Variants in CSMD1 observed in about 807,000 individuals in gnomAD.
The protein encoded by CSMD1 is CUB and Sushi multiple domains 1.
CSMD1 carries 213 observed loss-of-function variants against 417.5 expected under a neutral mutation model. The observed-to-expected ratio is 0.51, with a 90% CI of 0.46 to 0.57. CSMD1 has a LOEUF of 0.57. CSMD1 is among the 20% of genes least tolerant of loss of function. CSMD1 has a pLI of 0.00. For synonymous variants in CSMD1, 2,862 were observed against 1,736.8 expected (o/e 1.65, Z -16.11); for missense variants, 6,923 against 4,529.7 (o/e 1.53, Z -15.17).
intron 3 of CSMD1, among the ~76,000 whole-genome samples, chr8:4,160,249 T>C (rs1797071019): frequency 6.6e-6 from 1 of 152,128 alleles, no homozygotes; most frequent in Non-Finnish European, 1.5e-5. Flanking sequence ...AACTTTATCA[T>C]AAAGTAACAC....
intron 3 of CSMD1, among the ~76,000 whole-genome samples, chr8:4,201,084 C>T (rs1799618186): frequency 6.6e-6 from 1 of 152,112 alleles, no homozygotes; most frequent in African/African-American, 2.4e-5. Flanking sequence ...TAACCTTGGG[C>T]CAATGTCTTA....
intron 26 of CSMD1, among the ~76,000 whole-genome samples, chr8:3,230,610 A>C (rs1384954544): frequency 6.6e-6 from 1 of 152,208 alleles, no homozygotes; most frequent in African/African-American, 2.4e-5. Context: ...AAAGTACACC[A>C]ACCTCAAGGA....
intron 52 of CSMD1, among the ~76,000 whole-genome samples, chr8:3,004,757 TGAGA>T (rs1398588008): frequency 6.6e-6 from 1 of 152,150 alleles, no homozygotes; most frequent in Admixed American, 6.5e-5. Context: ...TTAAAATGGT[TGAGA>T]GAACCAGTAA....
chr8:3,491,482 A>T (rs1818376771), intron 11 of CSMD1, among the ~76,000 whole-genome samples: 1 of 152,208 alleles, frequency 6.6e-6, no homozygotes, highest in Non-Finnish European at 1.5e-5. Flanking sequence ...TCTCATCATT[A>T]TTATAATAAG....
At chr8:3,176,677 T>C (rs879400994) in intron 37 of CSMD1, among the ~76,000 whole-genome samples, 1 of 152,174 alleles carries the variant, frequency 6.6e-6, no homozygotes, top group Non-Finnish European at 1.5e-5. Context: ...AACGTAAAAA[T>C]ACTGAAGTAT....
intron 3 of CSMD1, among the ~76,000 whole-genome samples, chr8:4,341,492 C>G (rs541227140): frequency 5.9e-5 from 9 of 152,196 alleles, no homozygotes; most frequent in East Asian, 1.9e-4. Context: ...ACAGACTACT[C>G]TGCATATCAT....
intron 1 of CSMD1, among the ~76,000 whole-genome samples, chr8:4,805,156 C>T (rs139259200): frequency 8.5e-5 from 13 of 152,160 alleles, no homozygotes; most frequent in African/African-American, 2.2e-4. Flanking sequence ...TGTTTTTTCC[C>T]CCTGGATGTC....
chr8:3,508,103 A>G (rs552656612), intron 10 of CSMD1, among the ~76,000 whole-genome samples: 4 of 152,200 alleles, frequency 2.6e-5, no homozygotes, highest in African/African-American at 4.8e-5. Context: ...CCTGAATGGT[A>G]TTGCCTAGGT....
intron 3 of CSMD1, among the ~76,000 whole-genome samples, chr8:4,132,026 A>G (rs554875486): frequency 6.6e-6 from 1 of 152,042 alleles, no homozygotes; most frequent in Non-Finnish European, 1.5e-5. Flanking sequence ...TTTCTATCAG[A>G]ATCCCTTCTT....
chr8:4,439,598 T>C (rs1307079682), intron 2 of CSMD1, among the ~76,000 whole-genome samples: 1 of 152,182 alleles, frequency 6.6e-6, no homozygotes, highest in African/African-American at 2.4e-5. Context: ...ATTAACATAC[T>C]TACATATTTG....
rs574393218 is a variant in CSMD1 at position 3,142,450 on chromosome 8, G to C, written c.6241+15C>G. The C allele has an allele frequency of 1.9e-5, 31 of 1,604,592 alleles. No homozygotes were observed. Among genetic ancestry groups the C allele is most frequent in the Non-Finnish European group, 2.5e-5 (29 of 1,173,630 alleles). Reference sequence around the variant, plus strand: ...TATTTAGATTTGGGTTTCGGTTCTCGTTGTTGTTCCATACCTTGGTAAGCA... The same window carrying C: ...TATTTAGATTTGGGTTTCGGTTCTCCTTGTTGTTCCATACCTTGGTAAGCA... On this transcript the variant is annotated intron_variant, in intron 41 of 69. Transcript: ENST00000635120.
intron 3 of CSMD1, among the ~76,000 whole-genome samples, chr8:4,217,962 C>T (rs1433537923): frequency 1.3e-5 from 2 of 152,148 alleles, no homozygotes; most frequent in South Asian, 2.1e-4. Context: ...CAGGTAATGC[C>T]ATGGTAGTTG....
intron 6 of CSMD1, among the ~76,000 whole-genome samples, chr8:3,725,993 G>C (rs930353055): frequency 2.6e-5 from 4 of 152,144 alleles, no homozygotes; most frequent in African/African-American, 9.7e-5. Flanking sequence ...TGACTACGGA[G>C]ACCGGGTCAC....
intron 2 of CSMD1, among the ~76,000 whole-genome samples, chr8:4,495,546 G>C (rs1801939251): frequency 6.6e-6 from 1 of 151,906 alleles, no homozygotes; most frequent in Admixed American, 6.6e-5. Context: ...CTGCACTCTA[G>C]CCTGGGTGAC....
chr8:4,557,627 A>G (rs184365719), intron 2 of CSMD1, among the ~76,000 whole-genome samples: 1 of 152,210 alleles, frequency 6.6e-6, no homozygotes, highest in East Asian at 1.9e-4. Flanking sequence ...GGACAGCAGT[A>G]TCCCAGAACA....
At chr8:3,673,408 A>G (rs1585053871) in intron 7 of CSMD1, among the ~76,000 whole-genome samples, 1 of 152,378 alleles carries the variant, frequency 6.6e-6, no homozygotes, top group African/African-American at 2.4e-5. Context: ...AAGTATTTGA[A>G]GACGTAGCAT....
chr8:3,783,618 G>C (rs954589520), intron 5 of CSMD1, among the ~76,000 whole-genome samples: 1 of 152,196 alleles, frequency 6.6e-6, no homozygotes, highest in Non-Finnish European at 1.5e-5. Flanking sequence ...AGGAAGCCCT[G>C]GATGCAGCTG....
chr8:3,990,034 G>A (rs1164152266), intron 5 of CSMD1, among the ~76,000 whole-genome samples: 1 of 152,204 alleles, frequency 6.6e-6, no homozygotes, highest in African/African-American at 2.4e-5. Context: ...GAATAAATGA[G>A]AGTTAAGCAG....
chr8:3,715,288 G>T (rs2623570), intron 6 of CSMD1, among the ~76,000 whole-genome samples: 128,013 of 151,768 alleles, frequency 0.84, 54,268 homozygotes, highest in East Asian at 0.93. Flanking sequence ...TGTGATTTGT[G>T]CTGATACACT....
Sources: gnomAD v4.1 joint callset for allele counts (sites outside exome capture counted in the v4.1 genomes callset) on GRCh38, gnomAD v4.1.1 for gene constraint, MANE v1.5 for transcripts, NCBI Gene and HGNC (gene_info 2026-07-23, HGNC 2026-07-21) for gene names.